The following KIF3C variants were observed in gnomAD, a reference collection of about 807,000 sequenced individuals.
The protein encoded by KIF3C is kinesin-like protein KIF3C.
In KIF3C, 12 loss-of-function variants were observed where a neutral mutation model predicts 67.7. The observed-to-expected ratio is 0.18, with a 90% CI of 0.11 to 0.29. The LOEUF is 0.29. Ranked by LOEUF, KIF3C falls within the 10% of genes least tolerant of loss-of-function variation. KIF3C has a pLI of 1.00. For synonymous variants in KIF3C, 393 were observed against 426.2 expected (o/e 0.92, Z 0.96); for missense variants, 789 against 1,059.6 (o/e 0.74, Z 3.55).
At chr2:25,939,425 G>C (rs866661131) in intron 5 of KIF3C, among the ~76,000 whole-genome samples, 1 of 152,084 alleles carries the variant, frequency 6.6e-6, no homozygotes, top group African/African-American at 2.4e-5. Flanking sequence ...TGCCCTGCTT[G>C]TCTGAACTCT....
At chr2:25,954,474 G>C (rs1663751495) in intron 3 of KIF3C, 89 bp from the exon 4 acceptor site, 1 of 938,526 alleles carries the variant, frequency 1.1e-6, no homozygotes, top group South Asian at 1.4e-5. Flanking sequence ...TGCAGGCTCA[G>C]AGTCTACCGA....
intron 7 of KIF3C, 58 bp downstream of exon 7, chr2:25,929,247 G>C (rs888685704): frequency 6.4e-7 from 1 of 1,562,984 alleles, no homozygotes; most frequent in Non-Finnish European, 8.8e-7. Context: ...ATCACCCAGC[G>C]CCTGCAGTTC....
Position 25,928,534 on chromosome 2 carries a change from C to T in KIF3C, c.*444G>A, listed in dbSNP as rs1479780005. The T allele has an allele frequency of 1.3e-5, 2 of 155,850 alleles. No individual in the cohort carries two copies. The highest frequency in any genetic ancestry group is 4.8e-5 in the African/African-American group (2 of 41,442). 9.7% of individuals were successfully genotyped at this position (155,850 alleles called of 1,614,324 possible). ...GGGAACACCAAGCAGTCTCCCAGTCCCAGAAAGTGCTCAGGGGCTGCTCGC... is the reference window on the plus strand; with the variant it reads ...GGGAACACCAAGCAGTCTCCCAGTCTCAGAAAGTGCTCAGGGGCTGCTCGC... On this transcript the variant is annotated 3_prime_UTR_variant, in exon 8 of 8. Transcript: ENST00000264712.
At position 25,982,276 on chromosome 2, in the gene KIF3C, G is replaced by A. The variant is rs997798763; in HGVS notation, c.-359C>T. ...AATGAGATAAAGGAAGAGGAAAATG[G>A]GATGGGGGTGGGCGGCGAGCTGTCT... On this transcript the variant is annotated 5_prime_UTR_variant, in exon 1 of 8. Transcript: ENST00000264712. The A allele has an allele frequency of 2.5e-6, 1 of 404,124 alleles. No individual in the cohort carries two copies. Among genetic ancestry groups the A allele is most frequent in the Admixed American group, 4.3e-5 (1 of 23,096 alleles). 25.0% of individuals were successfully genotyped at this position (404,124 alleles called of 1,614,324 possible).
chr2:25,966,349 A>G (rs1047177945), intron 1 of KIF3C, among the ~76,000 whole-genome samples: 2 of 151,936 alleles, frequency 1.3e-5, no homozygotes, highest in Non-Finnish European at 2.9e-5. Flanking sequence ...TAAGTGATCC[A>G]CCCACCTTGA....
chr2:25,938,925 CAG>C (rs1342475604), intron 5 of KIF3C, among the ~76,000 whole-genome samples: 2 of 152,090 alleles, frequency 1.3e-5, no homozygotes, highest in Non-Finnish European at 2.9e-5. Context: ...AGCTCCATCT[CAG>C]GGGTTGACAT....
chr2:25,932,932 G>A (rs1212902346), intron 5 of KIF3C, among the ~76,000 whole-genome samples: 1 of 151,578 alleles, frequency 6.6e-6, no homozygotes, highest in African/African-American at 2.4e-5. Flanking sequence ...TGCATAAGAC[G>A]AACATATAGA....
Position 25,981,167 on chromosome 2 carries a change from C to T in KIF3C, c.751G>A (p.Glu251Lys). The T allele has an allele frequency of 3.1e-6, 5 of 1,614,138 alleles. No individual in the cohort carries two copies. The highest frequency in any genetic ancestry group is 4.2e-6 in the Non-Finnish European group (5 of 1,180,044). The change falls in exon 1 of 8, where the codon GAG becomes AAG. Residue 251 changes from glutamate (E) to lysine (K), a missense_variant. Physicochemically the swap from Glu to Lys is moderately conservative, Grantham distance 56 (BLOSUM62 1). This residue lies in a region of KIF3C where 648 missense variants were observed against 807.8 expected (regional missense o/e 0.80). Coordinates refer to ENST00000264712, the MANE Select transcript of KIF3C (RefSeq NM_002254.8). The surrounding 1 kb of genome is among the most constrained non-coding windows in gnomAD (Gnocchi z 8.2). The part of the protein sequence containing the change: ...KLNLVDLAGS[E>K]RQNKAGPNTA... The stretch of plus-strand genomic sequence containing the variant: ...TTGGGGCCTGCCTTGTTCTGCCTCT[C>T]GCTGCCAGCCAGGTCCACGAGGTTG...
chr2:25,928,600 G>GCCGTATCAT lies in KIF3C; in HGVS notation c.*377_*378insATGATACGG. On this transcript the variant is annotated 3_prime_UTR_variant, in exon 8 of 8. Coordinates refer to ENST00000264712, the MANE Select transcript of KIF3C (RefSeq NM_002254.8). ...AGATGGAGGTTATGGAGTGCGGTGG[G>GCCGTATCAT]TAGAAAAGGGACTGTCTTCTCAGGC... is the stretch of plus-strand genomic sequence containing the variant. The GCCGTATCAT allele has an allele frequency of 5.7e-6, 1 of 175,894 alleles. No individual in the cohort carries two copies. The highest frequency in any genetic ancestry group is 5.7e-5 in the Admixed American group (1 of 17,690). The allele number at this position is 175,894 out of a possible 1,614,324, so 10.9% of individuals were successfully genotyped here. A position where few individuals can be genotyped will look rare whatever the true frequency, so the allele number is the denominator to read the frequency against.
chr2:25,931,959 C>T (rs2090463340), intron 5 of KIF3C, among the ~76,000 whole-genome samples: 2 of 135,702 alleles, frequency 1.5e-5, no homozygotes, highest in South Asian at 2.3e-4. Context: ...GAGTCAGAGT[C>T]TCACTGTCAC....
chr2:25,951,409 C>T (rs754603245), intron 5 of KIF3C: 6 of 238,746 alleles, frequency 2.5e-5, no homozygotes, highest in Non-Finnish European at 4.2e-5. Flanking sequence ...ATCCGGCACA[C>T]AGTAGCGCTT....
At chr2:25,944,457 C>T (rs185642206) in intron 5 of KIF3C, among the ~76,000 whole-genome samples, 1 of 148,996 alleles carries the variant, frequency 6.7e-6, no homozygotes, top group East Asian at 2.0e-4. Context: ...TTCAAGCAAT[C>T]CTCCCACCTC....
At position 25,980,579 on chromosome 2, in the gene KIF3C, G is replaced by A. The variant is rs763526430; in HGVS notation, c.1339C>T (p.Pro447Ser). 1 of 1,614,096 alleles carries A rather than the reference G, an allele frequency of 6.2e-7. No individual in the cohort carries two copies. Among genetic ancestry groups the A allele is most frequent in the South Asian group, 1.1e-5 (1 of 91,086 alleles). Residue 447 changes from proline (P) to serine (S), a missense_variant, in exon 1 of 8, where the codon CCC (proline) becomes TCC (serine). Around this residue, in one of 2 missense-constraint regions of KIF3C, gnomAD observed 648 missense variants for 807.8 expected, o/e 0.80. Transcript: ENST00000264712. This position sits in a 1 kb window ranked among gnomAD's most constrained non-coding sequence, Gnocchi z 7.6. ...TTCTCCAAGGCTGACTCCAGGATGGGCTGGGGCGGGCGGTGGTTGTTGTTG... is the reference window on the plus strand; with the variant it reads ...TTCTCCAAGGCTGACTCCAGGATGGACTGGGGCGGGCGGTGGTTGTTGTTG... ...DNNNNHRPPQ[P>S]ILESALEKNM...
Position 25,954,341 on chromosome 2 carries a change from C to T in KIF3C, c.1815G>A (p.Gln605=), listed in dbSNP as rs762595479. 1.9e-6 allele frequency: 3 copies of T among 1,614,096 alleles called. No individual in the cohort carries two copies. Among genetic ancestry groups the T allele is most frequent in the South Asian group, 1.1e-5 (1 of 91,088 alleles). Reference sequence around the variant, plus strand: ...GCCGCACGCGGATATACTCATCATGCTGGTCCTGGATCTCCGCCTTCACCG... The same window carrying T: ...GCCGCACGCGGATATACTCATCATGTTGGTCCTGGATCTCCGCCTTCACCG... ...LQAVKAEIQD[Q]HDEYIRVRQD... The change falls in exon 4 of 8, where the codon CAG becomes CAA. Residue 605 remains glutamine (Q), a synonymous_variant. Coordinates refer to ENST00000264712, the MANE Select transcript of KIF3C (RefSeq NM_002254.8).
At chr2:25,972,592 A>G (rs56383120) in intron 1 of KIF3C, among the ~76,000 whole-genome samples, 8,651 of 152,202 alleles carry the variant, frequency 0.057, 570 homozygotes, top group African/African-American at 0.16. Context: ...AGCTGATCAC[A>G]CAGCCCCACA....
Position 25,981,902 on chromosome 2 carries a change from T to C in KIF3C, c.16A>G (p.Lys6Glu), listed in dbSNP as rs931464486. The C allele has an allele frequency of 6.4e-7, 1 of 1,554,326 alleles. No homozygotes were observed. The highest frequency in any genetic ancestry group is 1.4e-5 in the African/African-American group (1 of 73,772). MASKT[K>E]ASEALKVVAR... is the part of the protein sequence containing the mutation. ...ACCACCTTGAGGGCCTCGCTGGCCT[T>C]GGTCTTACTGGCCATCTTGCTGCTC... The change falls in exon 1 of 8, where the codon AAG becomes GAG. Residue 6 changes from lysine to glutamate, a missense_variant. By Grantham distance (56) the Lys-to-Glu change is moderately conservative. Coordinates refer to ENST00000264712, the MANE Select transcript of KIF3C (RefSeq NM_002254.8). This position sits in a 1 kb window ranked among gnomAD's most constrained non-coding sequence, Gnocchi z 8.2.
intron 1 of KIF3C, among the ~76,000 whole-genome samples, chr2:25,968,603 A>G (rs1414053958): frequency 6.6e-6 from 1 of 152,140 alleles, no homozygotes; most frequent in Non-Finnish European, 1.5e-5. Context: ...GAACTGGATG[A>G]ACCTAAGGAT....
chr2:25,968,674 G>A (rs778933483), intron 1 of KIF3C, among the ~76,000 whole-genome samples: 2 of 152,146 alleles, frequency 1.3e-5, no homozygotes, highest in Admixed American at 6.6e-5. Context: ...GGTTAGGTTC[G>A]TGGTCCTGGG....
chr2:25,981,389 T>C lies in KIF3C; in HGVS notation c.529A>G (p.Ile177Val). The change falls in exon 1 of 8, where the codon ATC becomes GTC. Residue 177 changes from isoleucine (I) to valine (V), a missense_variant. By Grantham distance (29) the Ile-to-Val change is conservative. This residue lies in a region of KIF3C where 141 missense variants were observed against 251.8 expected (regional missense o/e 0.56). Coordinates refer to ENST00000264712, the MANE Select transcript of KIF3C (RefSeq NM_002254.8). The surrounding 1 kb of genome is among the most constrained non-coding windows in gnomAD (Gnocchi z 8.2). The part of the protein sequence containing the change: ...LKENPETGVY[I>V]KDLSSFVTKN... Reference sequence around the variant, plus strand: ...GTGACGAAGGAGGAGAGGTCCTTGATGTAGACGCCAGTCTCGGGGTTCTCT... The same window carrying C: ...GTGACGAAGGAGGAGAGGTCCTTGACGTAGACGCCAGTCTCGGGGTTCTCT... 1.2e-6 allele frequency: 2 copies of C among 1,614,210 alleles called. No individual in the cohort carries two copies. The highest frequency in any genetic ancestry group is 2.2e-5 in the East Asian group (1 of 44,886).
Sources: gnomAD v4.1 joint callset for allele counts (sites outside exome capture counted in the v4.1 genomes callset) on GRCh38, gnomAD v4.1.1 for gene constraint, gnomAD v4.1.1 regional missense constraint, Gnocchi (gnomAD v3.1) non-coding constraint, MANE v1.5 for transcripts, NCBI Gene and HGNC (gene_info 2026-07-23, HGNC 2026-07-21) for gene names.